The following EFCAB6 variants were observed in gnomAD, a reference collection of about 807,000 sequenced individuals.
The protein encoded by EFCAB6 is EF-hand calcium-binding domain-containing protein 6.
In EFCAB6, 156 loss-of-function variants were observed where a neutral mutation model predicts 169.8. The ratio of observed to expected loss-of-function variants is 0.92; its 90% CI spans 0.81 to 1.05. The LOEUF is 1.05. Among genes scored for constraint, EFCAB6 ranks in the 50% least tolerant of loss-of-function variants. The probability of loss-of-function intolerance (pLI) is 0.00; values close to 1 mark genes in which losing one functional copy is unlikely to be tolerated. For synonymous variants in EFCAB6, 698 were observed against 676.4 expected (o/e 1.03, Z -0.50); for missense variants, 1,800 against 1,829.1 (o/e 0.98, Z 0.29).
chr22:43,742,171 T>C (rs1288075108), intron 6 of EFCAB6, among the ~76,000 whole-genome samples: 2 of 152,306 alleles, frequency 1.3e-5, no homozygotes, highest in East Asian at 3.9e-4. Flanking sequence ...TTCGTACACC[T>C]GCAAGCTAAG....
At chr22:43,671,505 C>A (rs2057491639) in intron 15 of EFCAB6, among the ~76,000 whole-genome samples, 1 of 152,206 alleles carries the variant, frequency 6.6e-6, no homozygotes, top group Non-Finnish European at 1.5e-5. Flanking sequence ...ACATATTTAA[C>A]TGTTGCAACT....
Position 43,576,440 on chromosome 22 carries a change from C to A in EFCAB6, c.3277G>T (p.Glu1093Ter). The A allele has an allele frequency of 1.3e-6, 2 of 1,594,968 alleles. No individual in the cohort carries two copies. The highest frequency in any genetic ancestry group is 1.7e-6 in the Non-Finnish European group (2 of 1,174,588). ...AAATCCTTAAGAACTTGTCCGAATTCTGTAGCCTTTACAAATCCTGTATCC... is the reference window on the plus strand; with the variant it reads ...AAATCCTTAAGAACTTGTCCGAATTATGTAGCCTTTACAAATCCTGTATCC... ...KEDTGFVKAT[E>*]FGQVLKDFCY... is the part of the protein sequence containing the mutation. Residue 1093 changes from glutamate (E) to a stop codon, truncating the protein, a stop_gained, in exon 26 of 32, where the codon GAA (glutamate) becomes TAA (stop). Coordinates refer to ENST00000262726, the MANE Select transcript of EFCAB6 (RefSeq NM_022785.4). LOFTEE classifies it high-confidence loss of function.
chr22:43,732,465 C>T (rs887760919), intron 7 of EFCAB6, among the ~76,000 whole-genome samples: 1 of 119,236 alleles, frequency 8.4e-6, no homozygotes, highest in Non-Finnish European at 1.7e-5. Context: ...TACTGAAATA[C>T]TTTTTTTTTT....
intron 5 of EFCAB6, chr22:43,759,735 A>G (rs958008925): frequency 6.6e-6 from 1 of 152,194 alleles, no homozygotes; most frequent in African/African-American, 2.4e-5. Flanking sequence ...TACCTTTTTA[A>G]TCTTCATGCT....
chr22:43,551,637 A>C (rs565127045), intron 27 of EFCAB6, among the ~76,000 whole-genome samples: 2 of 152,204 alleles, frequency 1.3e-5, no homozygotes, highest in South Asian at 2.1e-4. Context: ...AGCATCCATT[A>C]GCTATTCTTC....
intron 8 of EFCAB6, among the ~76,000 whole-genome samples, chr22:43,726,276 CAAAAAAAAAA>C (rs3994547): frequency 1.7e-5 from 1 of 59,356 alleles, no homozygotes; most frequent in Non-Finnish European, 3.0e-5. Context: ...AAAAATTCAC[CAAAAAAAAAA>C]AAAAAAAAAA....
intron 2 of EFCAB6, among the ~76,000 whole-genome samples, chr22:43,789,200 AG>A (rs2148095780): frequency 6.6e-6 from 1 of 152,328 alleles, no homozygotes; most frequent in East Asian, 1.9e-4. Context: ...TAATGGTGAT[AG>A]TTGCACAACT....
intron 10 of EFCAB6, among the ~76,000 whole-genome samples, chr22:43,704,029 A>C (rs1030437091): frequency 1.3e-5 from 2 of 152,160 alleles, no homozygotes; most frequent in Non-Finnish European, 2.9e-5. Context: ...AGAGGTCTCT[A>C]ATCAAATTCA....
At chr22:43,602,220 G>T (rs1416274289) in intron 22 of EFCAB6, among the ~76,000 whole-genome samples, 1 of 152,226 alleles carries the variant, frequency 6.6e-6, no homozygotes, top group Non-Finnish European at 1.5e-5. Flanking sequence ...ACCTTTTCAG[G>T]TGTCTATTAT....
intron 18 of EFCAB6, among the ~76,000 whole-genome samples, chr22:43,634,364 T>C (rs961169794): frequency 2.6e-5 from 4 of 152,060 alleles, no homozygotes; most frequent in Admixed American, 1.3e-4. Context: ...CTGACAAGGC[T>C]AGGGGGACCT....
chr22:43,682,255 G>A (rs775632452), intron 12 of EFCAB6, among the ~76,000 whole-genome samples: 6 of 152,052 alleles, frequency 3.9e-5, no homozygotes, highest in Non-Finnish European at 7.4e-5. Flanking sequence ...TGAGCTTATC[G>A]GCAAGGACTT....
Position 43,668,939 on chromosome 22 carries a change from G to A in EFCAB6, c.1747C>T (p.Pro583Ser), listed in dbSNP as rs1264899262. Residue 583 changes from proline to serine, a missense_variant, in exon 16 of 32, where the codon CCA (proline) becomes TCA (serine). Coordinates refer to ENST00000262726, the MANE Select transcript of EFCAB6 (RefSeq NM_022785.4). ...TGTTCACTTAACAGCTGATCCTTTG[G>A]AACAAGAACTGGAGAGACAGTGGGT... Reference protein sequence around the residue: ...GPPTVSPVLVPKDQLLSEHLQ... With the variant: ...GPPTVSPVLVSKDQLLSEHLQ... 1 of 1,612,828 alleles carries A rather than the reference G, an allele frequency of 6.2e-7. No homozygotes were observed. The highest frequency in any genetic ancestry group is 1.1e-5 in the South Asian group (1 of 90,684).
chr22:43,543,275 C>A (rs2047852949), intron 27 of EFCAB6, among the ~76,000 whole-genome samples: 1 of 152,180 alleles, frequency 6.6e-6, no homozygotes, highest in Non-Finnish European at 1.5e-5. Flanking sequence ...ATTCTGAAGG[C>A]CACGTGCAGG....
chr22:43,599,509 C>CAAAAAAAAAAAAAAAAAAAAAAAAAAAA (rs58130994), intron 23 of EFCAB6, among the ~76,000 whole-genome samples: 1 of 44,226 alleles, frequency 2.3e-5, no homozygotes, highest in Non-Finnish European at 4.1e-5. Context: ...GATTCCATCT[C>CAAAAAAAAAAAAAAAAAAAAAAAAAAAA]AAAAAAAAAA....
At chr22:43,557,078 C>A (rs1289577220) in intron 26 of EFCAB6, among the ~76,000 whole-genome samples, 2 of 152,158 alleles carry the variant, frequency 1.3e-5, no homozygotes, top group South Asian at 2.1e-4. Flanking sequence ...CTCACGTAAA[C>A]ATTACTGGAA....
At chr22:43,731,873 A>C in intron 7 of EFCAB6, 62 bp from the exon 8 acceptor site, 1 of 1,028,644 alleles carries the variant, frequency 9.7e-7, no homozygotes, top group South Asian at 1.9e-5. Context: ...CAAGTTTGTT[A>C]CTAAGGTATC....
chr22:43,549,512 T>C (rs2048263471), intron 27 of EFCAB6, among the ~76,000 whole-genome samples: 1 of 152,200 alleles, frequency 6.6e-6, no homozygotes, highest in Admixed American at 6.5e-5. Flanking sequence ...TGAATGGCTT[T>C]ATAATCCTGA....
chr22:43,600,354 G>A, intron 22 of EFCAB6, 91 bp from the exon 23 acceptor site: 1 of 1,306,422 alleles, frequency 7.7e-7, no homozygotes, highest in Non-Finnish European at 1.1e-6. Context: ...CACCATCCAT[G>A]AGGAGCTCGT....
At chr22:43,561,865 C>T (rs775952769) in intron 26 of EFCAB6, among the ~76,000 whole-genome samples, 2 of 152,276 alleles carry the variant, frequency 1.3e-5, no homozygotes, top group Non-Finnish European at 2.9e-5. Context: ...GCAAATGACA[C>T]GTTCCAATAT....
Sources: gnomAD v4.1 joint callset for allele counts (sites outside exome capture counted in the v4.1 genomes callset) on GRCh38, gnomAD v4.1.1 for gene constraint, MANE v1.5 for transcripts, NCBI Gene and HGNC (gene_info 2026-07-23, HGNC 2026-07-21) for gene names.